The following PREX1 variants were observed in gnomAD, a reference collection of about 807,000 sequenced individuals.
PREX1 encodes phosphatidylinositol-3,4,5-trisphosphate dependent Rac exchange factor 1.
PREX1 carries 41 observed loss-of-function variants against 198.3 expected under a neutral mutation model. That is an observed-to-expected ratio of 0.21 (90% CI 0.16 to 0.27). PREX1 has a LOEUF of 0.27. PREX1 is among the 10% of genes least tolerant of loss of function. PREX1 has a pLI of 1.00. For missense variants in PREX1, 1,620 were observed against 2,200.7 expected, an observed-to-expected ratio of 0.74 and a Z score of 5.28; for synonymous variants, 843 against 887.2, an observed-to-expected ratio of 0.95 and a Z score of 0.89.
chr20:48,815,734 T>A (rs906266189), intron 1 of PREX1, among the ~76,000 whole-genome samples: 13 of 152,030 alleles, frequency 8.6e-5, no homozygotes, highest in African/African-American at 2.9e-4. Context: ...CCGGGCACAG[T>A]GGCTCATTGC....
chr20:48,774,275 T>C (rs969333864), intron 1 of PREX1, among the ~76,000 whole-genome samples: 8 of 152,164 alleles, frequency 5.3e-5, no homozygotes, highest in Non-Finnish European at 2.9e-5. Context: ...GGCAGAGGCA[T>C]TCAGTGAAGG....
intron 1 of PREX1, among the ~76,000 whole-genome samples, chr20:48,797,063 T>G (rs1248270798): frequency 6.6e-6 from 1 of 151,960 alleles, no homozygotes; most frequent in African/African-American, 2.4e-5. Context: ...ATTGTACATT[T>G]TGCATACAAG....
chr20:48,786,371 A>T (rs1481271383), intron 1 of PREX1, among the ~76,000 whole-genome samples: 1 of 152,192 alleles, frequency 6.6e-6, no homozygotes, highest in Non-Finnish European at 1.5e-5. Context: ...GGCCCAAGAC[A>T]TGACCAACAA....
intron 1 of PREX1, among the ~76,000 whole-genome samples, chr20:48,764,290 C>G (rs191556558): frequency 6.6e-6 from 1 of 152,330 alleles, no homozygotes; most frequent in East Asian, 1.9e-4. Flanking sequence ...CTCAGAGAGG[C>G]CCCAACAGCC....
chr20:48,671,152 G>A (rs1310433087), intron 14 of PREX1, among the ~76,000 whole-genome samples: 1 of 152,198 alleles, frequency 6.6e-6, no homozygotes, highest in Non-Finnish European at 1.5e-5. Context: ...TCTTCCCCAG[G>A]GGCTGGTTTA....
chr20:48,642,507 C>A lies in PREX1; in HGVS notation c.3602-18G>T. On this transcript the variant is annotated intron_variant, in intron 27 of 39. Coordinates refer to ENST00000371941, the MANE Select transcript of PREX1 (RefSeq NM_020820.4). ...CTCATCTCCTGGCAGGAGGTAGAAG[C>A]AGCAGCCATCAGTCATTCCTGCCCC... The A allele has an allele frequency of 6.3e-7, 1 of 1,595,154 alleles. No homozygotes were observed. Among genetic ancestry groups the A allele is most frequent in the Non-Finnish European group, 8.6e-7 (1 of 1,166,306 alleles).
rs183946577 is a variant in PREX1 at position 48,756,849 on chromosome 20, C to T, written c.220-8969G>A. Among the ~76,000 whole-genome samples, 299 of 152,298 alleles carry T rather than the reference C, an allele frequency of 2.0e-3. 3 individuals carry two copies. Among genetic ancestry groups the T allele is most frequent in the Non-Finnish European group, 7.8e-4 (53 of 68,022 alleles). ...AAGAGGTTTAATTGACTCACAGTTC[C>T]ACATGGCTGAGGAGGCCTCACAATC... On this transcript the variant is annotated intron_variant, in intron 1 of 39. Transcript: ENST00000371941.
chr20:48,835,473 C>G, the PREX1 span, among the ~76,000 whole-genome samples: 1 of 152,328 alleles, frequency 6.6e-6, no homozygotes, highest in African/African-American at 2.4e-5. Context: ...GATTAAACAA[C>G]AGGGAGCACT....
intron 1 of PREX1, among the ~76,000 whole-genome samples, chr20:48,764,930 G>A (rs1485126538): frequency 6.6e-6 from 1 of 152,120 alleles, no homozygotes; most frequent in East Asian, 1.9e-4. Context: ...TCTGGAAGCT[G>A]GAAAAGGCAA....
chr20:48,853,781 A>G, the PREX1 span, among the ~76,000 whole-genome samples: 1 of 152,232 alleles, frequency 6.6e-6, no homozygotes. Context: ...GTTGGATCCC[A>G]GCTCCACCAG....
chr20:48,647,249 G>A (rs571660499), intron 25 of PREX1, among the ~76,000 whole-genome samples: 4 of 152,124 alleles, frequency 2.6e-5, no homozygotes, highest in East Asian at 1.9e-4. Context: ...TCTGCTAGGC[G>A]TGGTGGCTCA....
At chr20:48,742,968 T>C (rs1055977791) in intron 3 of PREX1, among the ~76,000 whole-genome samples, 1 of 152,174 alleles carries the variant, frequency 6.6e-6, no homozygotes, top group African/African-American at 2.4e-5. Context: ...TTGCTAAGTA[T>C]AGGCAATCCT....
intron 15 of PREX1, among the ~76,000 whole-genome samples, chr20:48,665,375 T>C (rs530831253): frequency 5.3e-5 from 8 of 149,740 alleles, no homozygotes; most frequent in Admixed American, 4.7e-4. Context: ...TAATCCTGGC[T>C]CCAGATGGCC....
intron 1 of PREX1, among the ~76,000 whole-genome samples, chr20:48,787,306 C>T (rs1387682980): frequency 6.6e-6 from 1 of 151,770 alleles, no homozygotes; most frequent in Non-Finnish European, 1.5e-5. Flanking sequence ...ATCTCATAAT[C>T]ATGTAAAAGC....
At chr20:48,785,996 C>T (rs1447041460) in intron 1 of PREX1, among the ~76,000 whole-genome samples, 1 of 152,096 alleles carries the variant, frequency 6.6e-6, no homozygotes, top group Non-Finnish European at 1.5e-5. Flanking sequence ...TCAGAAAAGG[C>T]CATGAGGAGG....
chr20:48,656,505 C>T, intron 18 of PREX1: 1 of 456,828 alleles, frequency 2.2e-6, no homozygotes, highest in South Asian at 1.5e-5. Flanking sequence ...CTTCCTTCTG[C>T]TCTTCCAATG....
At chr20:48,801,097 G>A (rs1039570598) in intron 1 of PREX1, among the ~76,000 whole-genome samples, 2 of 152,212 alleles carry the variant, frequency 1.3e-5, no homozygotes, top group Non-Finnish European at 2.9e-5. Flanking sequence ...ACAGGCTGCA[G>A]TGAGTATCCC....
At chr20:48,852,242 G>T in the PREX1 span, among the ~76,000 whole-genome samples, 443 of 152,096 alleles carry the variant, frequency 2.9e-3, 2 homozygotes, top group African/African-American at 8.5e-3. Flanking sequence ...TAGGTCAGTT[G>T]TTCCTAAACC....
At chr20:48,731,404 G>A (rs1256926191) in intron 4 of PREX1, among the ~76,000 whole-genome samples, 1 of 152,116 alleles carries the variant, frequency 6.6e-6, no homozygotes, top group African/African-American at 2.4e-5. Flanking sequence ...AAGTTCCCCC[G>A]ACTAGAATGG....
Sources: allele counts gnomAD v4.1 joint callset (sites outside exome capture counted in the v4.1 genomes callset), GRCh38; gene constraint gnomAD v4.1.1; transcripts MANE v1.5; gene names NCBI Gene and HGNC (gene_info 2026-07-23, HGNC 2026-07-21).